Variants in SAMMSON observed in about 807,000 individuals in gnomAD.
SAMMSON encodes long intergenic non-protein coding RNA 1212.
intron 4 of SAMMSON, among the ~76,000 whole-genome samples, chr3:70,158,823 T>C (rs2067602611): frequency 6.6e-6 from 1 of 152,118 alleles, no homozygotes; most frequent in South Asian, 2.1e-4. Flanking sequence ...CTTGCTATTC[T>C]AATATAGGGG....
intron 4 of SAMMSON, among the ~76,000 whole-genome samples, chr3:70,123,364 T>G (rs1434789239): frequency 2.6e-5 from 4 of 152,346 alleles, no homozygotes; most frequent in South Asian, 2.1e-4. Context: ...CCTCCCGAGC[T>G]CAGGCAATTG....
chr3:70,273,753 T>G (rs532706881), intron 6 of SAMMSON, among the ~76,000 whole-genome samples: 1 of 152,194 alleles, frequency 6.6e-6, no homozygotes, highest in Admixed American at 6.5e-5. Flanking sequence ...TTTTCAGATT[T>G]GTTTAGCAGT....
At chr3:70,378,927 T>C (rs1703042532) in intron 9 of SAMMSON, among the ~76,000 whole-genome samples, 1 of 152,108 alleles carries the variant, frequency 6.6e-6, no homozygotes, top group South Asian at 2.1e-4. Flanking sequence ...AATGTTGTGT[T>C]CTTTAGGATA....
At chr3:70,100,473 AT>A (rs1335472815) in intron 4 of SAMMSON, among the ~76,000 whole-genome samples, 1 of 147,546 alleles carries the variant, frequency 6.8e-6, no homozygotes, top group Non-Finnish European at 1.5e-5. Context: ...AACCAGCAGC[AT>A]TTTTATCCAG....
chr3:70,161,445 C>T (rs2067614904), intron 4 of SAMMSON, among the ~76,000 whole-genome samples: 1 of 151,834 alleles, frequency 6.6e-6, no homozygotes, highest in African/African-American at 2.4e-5. Context: ...GGTTTTTGTT[C>T]TTTCTCTGTT....
chr3:70,252,367 T>C (rs1477873593), intron 6 of SAMMSON, among the ~76,000 whole-genome samples: 1 of 152,218 alleles, frequency 6.6e-6, no homozygotes, highest in Non-Finnish European at 1.5e-5. Flanking sequence ...TTTGCTTCAG[T>C]GTATGACTTT....
chr3:70,126,602 G>C (rs1239319124), intron 4 of SAMMSON: 2 of 395,540 alleles, frequency 5.1e-6, no homozygotes, highest in Non-Finnish European at 9.2e-6. Flanking sequence ...GGCTGATAGA[G>C]AGCTGGCATT....
At chr3:70,064,853 T>A (rs1410909160) in intron 3 of SAMMSON, among the ~76,000 whole-genome samples, 1 of 152,102 alleles carries the variant, frequency 6.6e-6, no homozygotes, top group African/African-American at 2.4e-5. Context: ...ATGGCGTGTG[T>A]ACAGTGTGTA....
At chr3:70,179,402 C>G (rs935477223) in intron 4 of SAMMSON, among the ~76,000 whole-genome samples, 2 of 152,216 alleles carry the variant, frequency 1.3e-5, no homozygotes, top group African/African-American at 4.8e-5. Flanking sequence ...CGTGGGACTG[C>G]AGTACCTAAG....
At chr3:70,330,845 T>A (rs894278315) in intron 7 of SAMMSON, among the ~76,000 whole-genome samples, 5 of 152,048 alleles carry the variant, frequency 3.3e-5, no homozygotes, top group Non-Finnish European at 7.4e-5. Flanking sequence ...ATAATATAAA[T>A]AGACATTTGT....
At chr3:70,364,606 G>C (rs2106741988) in intron 9 of SAMMSON, among the ~76,000 whole-genome samples, 1 of 151,934 alleles carries the variant, frequency 6.6e-6, no homozygotes, top group Non-Finnish European at 1.5e-5. Context: ...GTTCTGGCTA[G>C]TGTTCTGTGG....
Position 70,385,144 on chromosome 3 carries a change from C to T in SAMMSON, n.914-4430C>T, listed in dbSNP as rs1428858536. On this transcript the variant is annotated intron_variant and non_coding_transcript_variant, in intron 9 of 9. Coordinates refer to ENST00000642114, the Ensembl canonical transcript of SAMMSON. Reference sequence around the variant, plus strand: ...ACAAGGTGGTGTAGAAGAAAAAGCACGGTGTTGTAGTTTCAGCATCTGGGT... The same window carrying T: ...ACAAGGTGGTGTAGAAGAAAAAGCATGGTGTTGTAGTTTCAGCATCTGGGT... Among the ~76,000 whole-genome samples, 5 of 152,040 alleles carry T rather than the reference C, an allele frequency of 3.3e-5. No homozygotes were observed. In the East Asian group the frequency reaches 5.8e-4, roughly 18 times the overall value.
chr3:70,223,143 A>C (rs1418537795), intron 4 of SAMMSON, among the ~76,000 whole-genome samples: 1 of 152,148 alleles, frequency 6.6e-6, no homozygotes, highest in East Asian at 1.9e-4. Flanking sequence ...ATTGTTCTAT[A>C]CTACTCTTTA....
At chr3:70,406,619 T>C (rs1701180351) in intron 2 of SAMMSON, among the ~76,000 whole-genome samples, 1 of 152,200 alleles carries the variant, frequency 6.6e-6, no homozygotes, top group Non-Finnish European at 1.5e-5. Flanking sequence ...AAGTTTTATA[T>C]TATACATGAT....
At chr3:70,006,924 T>G (rs1319993427) in intron 1 of SAMMSON, among the ~76,000 whole-genome samples, 2 of 151,852 alleles carry the variant, frequency 1.3e-5, no homozygotes, top group African/African-American at 2.4e-5. Context: ...TGTGATAGCT[T>G]GCTGAGAATG....
intron 2 of SAMMSON, among the ~76,000 whole-genome samples, chr3:70,416,873 G>C (rs1701268626): frequency 6.6e-6 from 1 of 152,128 alleles, no homozygotes; most frequent in Non-Finnish European, 1.5e-5. Context: ...GGAGCTAATA[G>C]ATTTTTTTCA....
intron 6 of SAMMSON, among the ~76,000 whole-genome samples, chr3:70,266,626 A>G (rs1281142194): frequency 1.3e-5 from 2 of 151,998 alleles, no homozygotes; most frequent in Non-Finnish European, 2.9e-5. Context: ...TTTTTATTTC[A>G]GTGAAGACAG....
intron 1 of SAMMSON, among the ~76,000 whole-genome samples, chr3:70,006,034 G>C (rs962817224): frequency 6.6e-6 from 1 of 152,152 alleles, no homozygotes; most frequent in African/African-American, 2.4e-5. Flanking sequence ...TTAATAACTA[G>C]TTGACAGAGC....
chr3:70,403,443 C>T, intron 2 of SAMMSON, among the ~76,000 whole-genome samples: 1 of 152,176 alleles, frequency 6.6e-6, no homozygotes, highest in East Asian at 1.9e-4. Context: ...AAAACTGACC[C>T]TAGATAATGC....
Sources: allele counts gnomAD v4.1 joint callset (sites outside exome capture counted in the v4.1 genomes callset), GRCh38; gene constraint gnomAD v4.1.1; transcripts MANE v1.5; gene names NCBI Gene and HGNC (gene_info 2026-07-23, HGNC 2026-07-21).